NAGA: variants seen among roughly 807,000 people sequenced by gnomAD.
NAGA encodes Acetylgalactosaminidase, alpha-N- (alpha-galactosidase B).
In NAGA, 42 loss-of-function variants were observed where a neutral mutation model predicts 45.6. That is an observed-to-expected ratio of 0.92 (90% CI 0.72 to 1.19). NAGA has a LOEUF of 1.19. NAGA is among the 50% of genes most tolerant of loss of function. The pLI is 0.00. For synonymous variants in NAGA, 176 were observed against 203.1 expected (o/e 0.87, Z 1.13); for missense variants, 493 against 544.8 (o/e 0.90, Z 0.95).
intron 3 of NAGA, 107 bp downstream of exon 3, chr22:42,067,658 C>T: frequency 1.0e-6 from 1 of 976,998 alleles, no homozygotes; most frequent in East Asian, 2.5e-5. Context: ...TGTCTGTTTC[C>T]CCCACTAGAC....
intron 1 of NAGA, 116 bp from the exon 2 acceptor site, chr22:42,068,690 G>A: frequency 7.1e-7 from 1 of 1,404,668 alleles, no homozygotes; most frequent in Non-Finnish European, 9.6e-7. Flanking sequence ...CTATATATAA[G>A]GGAAACTGGA....
chr22:42,067,336 G>A (rs752600704), intron 3 of NAGA, 46 bp from the exon 4 acceptor site: 1 of 1,609,878 alleles, frequency 6.2e-7, no homozygotes, highest in Non-Finnish European at 8.5e-7. Flanking sequence ...GACCCTCAAG[G>A]AGCCTCCTCA....
At position 42,070,790 on chromosome 22, in the gene NAGA, T is replaced by G. The variant is rs925105208; in HGVS notation, c.-493A>C. Reference sequence around the variant, plus strand: ...AAGCGTTCAGACCTGCCGCCGCTTCTGACTCGAATCCGGTAACCTGATAAG... The same window carrying G: ...AAGCGTTCAGACCTGCCGCCGCTTCGGACTCGAATCCGGTAACCTGATAAG... On this transcript the variant is annotated 5_prime_UTR_variant, in exon 1 of 9. Transcript: ENST00000396398. The G allele has an allele frequency of 8.6e-6, 2 of 232,262 alleles. No individual in the cohort carries two copies. Among genetic ancestry groups the G allele is most frequent in the African/African-American group, 4.5e-5 (2 of 44,116 alleles). 14.4% of individuals were successfully genotyped at this position (232,262 alleles called of 1,614,324 possible).
chr22:42,061,386 C>A (rs997545099), intron 7 of NAGA, among the ~76,000 whole-genome samples: 3 of 152,244 alleles, frequency 2.0e-5, no homozygotes, highest in Non-Finnish European at 4.4e-5. Context: ...GGAAGCGCAA[C>A]AACAGTACAG....
intron 1 of NAGA, among the ~76,000 whole-genome samples, chr22:42,069,854 G>A (rs2146846986): frequency 6.6e-6 from 1 of 152,318 alleles, no homozygotes; most frequent in East Asian, 1.9e-4. Context: ...CAGGTCTCCT[G>A]AGCCCCAGTC....
In NAGA at chr22:42,059,992, A is replaced by G. The variant is rs1293567259; in HGVS notation, c.*287T>C. 2 of 449,296 alleles carry G rather than the reference A, an allele frequency of 4.5e-6. No homozygotes were observed. The highest frequency in any genetic ancestry group is 6.6e-4 in the Middle Eastern group (1 of 1,522). 27.8% of individuals were successfully genotyped at this position (449,296 alleles called of 1,614,324 possible). On this transcript the variant is annotated 3_prime_UTR_variant, in exon 9 of 9. Coordinates refer to ENST00000396398, the MANE Select transcript of NAGA (RefSeq NM_000262.3). Reference sequence around the variant, plus strand: ...GTCAGAGGCTAGAGTCCTGATGGGCATGGAGCTCAGGAGGCTGGCGAGTTG... The same window carrying G: ...GTCAGAGGCTAGAGTCCTGATGGGCGTGGAGCTCAGGAGGCTGGCGAGTTG...
chr22:42,062,415 G>A (rs1448249997), intron 7 of NAGA, among the ~76,000 whole-genome samples: 2 of 152,116 alleles, frequency 1.3e-5, no homozygotes, highest in Non-Finnish European at 2.9e-5. Flanking sequence ...GCAGTGAGTC[G>A]AAATTGTGCC....
At chr22:42,066,446 C>A (rs1024889283) in intron 5 of NAGA, among the ~76,000 whole-genome samples, 1 of 152,222 alleles carries the variant, frequency 6.6e-6, no homozygotes, top group African/African-American at 2.4e-5. Context: ...CCTCTGATGC[C>A]AACTCCTTCA....
At chr22:42,060,684 C>T (rs2146834409) in intron 8 of NAGA, among the ~76,000 whole-genome samples, 1 of 152,240 alleles carries the variant, frequency 6.6e-6, no homozygotes. Context: ...AGGAGTACAG[C>T]CGTAGAGGCT....
Position 42,060,324 on chromosome 22 carries a change from C to T in NAGA, c.1191G>A (p.Met397Ile), listed in dbSNP as rs1268760332. 1.9e-6 allele frequency: 3 copies of T among 1,613,758 alleles called. No homozygotes were observed. The highest frequency in any genetic ancestry group is 8.5e-7 in the Non-Finnish European group (1 of 1,179,976). ...TVIINPSGVV[M>I]WYLYPIKNLE... ...GGTTCTTGATGGGATACAGGTACCA[C>T]ATCACTACCCCTGAAGGGTTGATGA... The change falls in exon 9 of 9, where the codon ATG becomes ATA. Residue 397 changes from methionine (M) to isoleucine (I), a missense_variant. Transcript: ENST00000396398.
At position 42,060,111 on chromosome 22, in the gene NAGA, C is replaced by T; in HGVS notation, c.*168G>A. On this transcript the variant is annotated 3_prime_UTR_variant, in exon 9 of 9. Transcript: ENST00000396398. ...AAAGAAGTTTCCAAGAGGGTTTACG[C>T]TTGGACAGGGCATAGAACCTGGCCG... 3.4e-6 allele frequency: 3 copies of T among 889,878 alleles called. No homozygotes were observed. The Admixed American group carries it at 6.0e-5, about 18-fold the overall frequency. 55.1% of individuals were successfully genotyped at this position (889,878 alleles called of 1,614,324 possible). A position where few individuals can be genotyped will look rare whatever the true frequency, so the allele number is the denominator to read the frequency against.
At chr22:42,067,343 C>T in intron 3 of NAGA, 53 bp from the exon 4 acceptor site, 1 of 1,605,156 alleles carries the variant, frequency 6.2e-7, no homozygotes, top group Non-Finnish European at 8.5e-7. Context: ...AAGGAGCCTC[C>T]TCAAGGCATA....
At position 42,070,658 on chromosome 22, in the gene NAGA, C is replaced by T; in HGVS notation, c.-361G>A. On this transcript the variant is annotated 5_prime_UTR_variant, in exon 1 of 9. Transcript: ENST00000396398. ...CTGGCTTAAGGTCACCAAGAAAGAGCGGAGGGGCGGGGCTGCGGCCAGGCT... is the reference window on the plus strand; with the variant it reads ...CTGGCTTAAGGTCACCAAGAAAGAGTGGAGGGGCGGGGCTGCGGCCAGGCT... The T allele has an allele frequency of 5.4e-6, 2 of 373,734 alleles. No homozygotes were observed. The highest frequency in any genetic ancestry group is 5.1e-6 in the Non-Finnish European group (1 of 197,796). 23.2% of individuals were successfully genotyped at this position (373,734 alleles called of 1,614,324 possible). A position where few individuals can be genotyped will look rare whatever the true frequency, so the allele number is the denominator to read the frequency against.
At position 42,070,052 on chromosome 22, in the gene NAGA, T is replaced by A. The variant is rs538438189; in HGVS notation, c.16+230A>T. 9.2e-5 allele frequency among the ~76,000 whole-genome samples: 14 copies of A among 152,350 alleles called. No homozygotes were observed. In the South Asian group the frequency reaches 2.9e-3, roughly 32 times the overall value. On this transcript the variant is annotated intron_variant, in intron 1 of 8. Coordinates refer to ENST00000396398, the MANE Select transcript of NAGA (RefSeq NM_000262.3). ...AGGCGGTTCTCCGCACATGCTGATA[T>A]CCATCAGTTAGGGCCTCTGTGCTTG...
rs1171693614 is a variant in NAGA at position 42,068,508 on chromosome 22, A to G, written c.83T>C (p.Met28Thr). 6.2e-7 allele frequency: 1 copy of G among 1,614,116 alleles called. No homozygotes were observed. The highest frequency in any genetic ancestry group is 1.1e-5 in the South Asian group (1 of 91,082). ...LDNGLLQTPPMGWLAWERFRC... is the reference protein window; with the variant it reads ...LDNGLLQTPPTGWLAWERFRC... The stretch of plus-strand genomic sequence containing the variant: ...GAAGCGTTCCCAGGCCAGCCAGCCC[A>G]TGGGTGGTGTCTGCAGGAGCCCATT... Residue 28 changes from methionine to threonine, a missense_variant, in exon 2 of 9, where the codon ATG (methionine) becomes ACG (threonine). Physicochemically the swap from Met to Thr is moderately conservative, Grantham distance 81. Transcript: ENST00000396398.
intron 6 of NAGA, 66 bp from the exon 7 acceptor site, chr22:42,063,090 C>A: frequency 1.3e-6 from 2 of 1,507,734 alleles, no homozygotes; most frequent in East Asian, 2.3e-5. Context: ...GGGACCATCC[C>A]CAAACTTGTA....
At chr22:42,062,675 TCAA>T in intron 7 of NAGA, 149 bp downstream of exon 7, 1 of 851,344 alleles carries the variant, frequency 1.2e-6, no homozygotes, top group Non-Finnish European at 1.9e-6. Flanking sequence ...ATCAGAGTCC[TCAA>T]CCATAAGCAA....
At chr22:42,060,815 C>T (rs894349712) in intron 8 of NAGA, 109 bp downstream of exon 8, 13 of 1,509,740 alleles carry the variant, frequency 8.6e-6, no homozygotes, top group Non-Finnish European at 1.2e-5. Flanking sequence ...TGCCAGAGGC[C>T]CTAAGCCCAC....
In NAGA at chr22:42,060,238, GCTCAGTGGTGC is replaced by G. The variant is rs1459894168; in HGVS notation, c.*30_*40del. The G allele has an allele frequency of 6.2e-7, 1 of 1,610,686 alleles. No homozygotes were observed. Among genetic ancestry groups the G allele is most frequent in the Admixed American group, 1.7e-5 (1 of 60,020 alleles). On this transcript the variant is annotated 3_prime_UTR_variant, in exon 9 of 9. Coordinates refer to ENST00000396398, the MANE Select transcript of NAGA (RefSeq NM_000262.3). ...GGCATGCCAAGGCTCCATGGTCTAG[GCTCAGTGGTGC>G]CACCACAGCCTGTCACATGTCCCAG...
Sources: gnomAD v4.1 joint callset for allele counts (sites outside exome capture counted in the v4.1 genomes callset) on GRCh38, gnomAD v4.1.1 for gene constraint, MANE v1.5 for transcripts, NCBI Gene and HGNC (gene_info 2026-07-23, HGNC 2026-07-21) for gene names.